Variants in NALCN observed in about 807,000 individuals in gnomAD.
The protein encoded by NALCN is sodium leak channel NALCN.
A neutral mutation model predicts 225.3 loss-of-function variants in NALCN; 111 were observed. That is an observed-to-expected ratio of 0.49 (90% CI 0.42 to 0.58). The LOEUF is 0.58. NALCN is among the 20% of genes least tolerant of loss of function. The pLI, the probability that NALCN is intolerant of heterozygous loss-of-function variation, is 0.00. For synonymous variants in NALCN, 764 were observed against 769.0 expected (o/e 0.99, Z 0.11); for missense variants, 1,378 against 2,202.4 (o/e 0.63, Z 7.49).
intron 12 of NALCN, among the ~76,000 whole-genome samples, chr13:101,237,275 A>G (rs1184795448): frequency 6.6e-6 from 1 of 152,078 alleles, no homozygotes; most frequent in East Asian, 1.9e-4. Context: ...ATGAGTAATT[A>G]CAATCTGTAA....
intron 3 of NALCN, among the ~76,000 whole-genome samples, chr13:101,390,481 T>C (rs1342339702): frequency 2.0e-5 from 3 of 152,112 alleles, no homozygotes; most frequent in Admixed American, 2.0e-4. Flanking sequence ...TAGATCCTGG[T>C]ATAATTAGAA....
chr13:101,269,648 T>C (rs980138615), intron 10 of NALCN, among the ~76,000 whole-genome samples: 2 of 152,216 alleles, frequency 1.3e-5, no homozygotes, highest in Admixed American at 1.3e-4. Context: ...AATACAATCT[T>C]GTTGCTTCAA....
At chr13:101,382,290 T>G in intron 3 of NALCN, among the ~76,000 whole-genome samples, 1 of 115,712 alleles carries the variant, frequency 8.6e-6, no homozygotes. Context: ...CTTCCCTTTG[T>G]GTTATGGGGA....
At chr13:101,386,752 T>C (rs1344300193) in intron 3 of NALCN, among the ~76,000 whole-genome samples, 1 of 152,146 alleles carries the variant, frequency 6.6e-6, no homozygotes, top group Non-Finnish European at 1.5e-5. Context: ...TATCATTGGA[T>C]AACACTACTT....
intron 15 of NALCN, among the ~76,000 whole-genome samples, chr13:101,146,731 A>G (rs551435380): frequency 4.6e-5 from 7 of 152,336 alleles, no homozygotes; most frequent in Admixed American, 2.0e-4. Context: ...GTCACTTATA[A>G]ATCAAATCTT....
At chr13:101,297,754 T>C (rs1039387152) in intron 7 of NALCN, among the ~76,000 whole-genome samples, 1 of 152,268 alleles carries the variant, frequency 6.6e-6, no homozygotes, top group East Asian at 1.9e-4. Flanking sequence ...CAATCTGATC[T>C]ACTGTTTATG....
chr13:101,395,257 T>C lies in NALCN; in HGVS notation c.217A>G (p.Thr73Ala). Reference sequence around the variant, plus strand: ...AGAAACATCAATAATGTATCCAAAGTGAAGGTCACATACTGAAGTGGAGGA... The same window carrying C: ...AGAAACATCAATAATGTATCCAAAGCGAAGGTCACATACTGAAGTGGAGGA... ...HYPPLQYVTF[T>A]LDTLLMFLYT... Residue 73 changes from threonine to alanine, a missense_variant, in exon 3 of 44, where the codon ACT (threonine) becomes GCT (alanine). Coordinates refer to ENST00000251127, the MANE Select transcript of NALCN (RefSeq NM_052867.4). 2.5e-6 allele frequency: 4 copies of C among 1,614,040 alleles called. No individual in the cohort carries two copies. The highest frequency in any genetic ancestry group is 3.4e-6 in the Non-Finnish European group (4 of 1,179,956).
rs755323640 is a variant in NALCN, at chr13:101,104,871, A to G, written c.2636+23T>C. The G allele has an allele frequency of 1.1e-5, 18 of 1,612,282 alleles. No individual in the cohort carries two copies. Among genetic ancestry groups the G allele is most frequent in the Non-Finnish European group, 1.4e-5 (16 of 1,178,736 alleles). On this transcript the variant is annotated intron_variant, in intron 23 of 43. Transcript: ENST00000251127. This position sits in a 1 kb window ranked among gnomAD's most constrained non-coding sequence, Gnocchi z 4.2. Reference sequence around the variant, plus strand: ...ACATGAAAACTTTAAATGTGCATGGAAAATGAAGTTGGTGATGCTTACTAA... The same window carrying G: ...ACATGAAAACTTTAAATGTGCATGGGAAATGAAGTTGGTGATGCTTACTAA...
intron 27 of NALCN, among the ~76,000 whole-genome samples, chr13:101,100,366 G>A (rs78225056): frequency 6.6e-6 from 1 of 152,216 alleles, no homozygotes; most frequent in Non-Finnish European, 1.5e-5. Context: ...GTTGTCAACA[G>A]TGGGTTGACA....
intron 3 of NALCN, among the ~76,000 whole-genome samples, chr13:101,383,140 G>T (rs1308995837): frequency 6.6e-6 from 1 of 152,098 alleles, no homozygotes; most frequent in Non-Finnish European, 1.5e-5. Context: ...GAAAAATTCT[G>T]CCAAGTCTGT....
At chr13:101,123,214 G>T (rs376926477) in intron 18 of NALCN, among the ~76,000 whole-genome samples, 1 of 152,232 alleles carries the variant, frequency 6.6e-6, no homozygotes, top group East Asian at 1.9e-4. Flanking sequence ...CATTCACACT[G>T]CAAGGCAGTG....
chr13:101,229,127 A>G (rs948228186), intron 13 of NALCN, among the ~76,000 whole-genome samples: 17 of 152,162 alleles, frequency 1.1e-4, no homozygotes, highest in Non-Finnish European at 4.4e-5. Flanking sequence ...GGTGCTAAGA[A>G]CCCTAGCATT....
At chr13:101,156,694 T>C (rs965056502) in intron 15 of NALCN, among the ~76,000 whole-genome samples, 12 of 152,214 alleles carry the variant, frequency 7.9e-5, no homozygotes, top group Non-Finnish European at 2.9e-5. Context: ...GGCTCTCATT[T>C]TCTATAGAAA....
rs373215567 is a variant in NALCN at position 101,346,641 on chromosome 13, TA to T, written c.645-1222del. ...AGAATCCTTTAGGTGGATAATGACA[TA>T]ACCCATTTTTATCCTTCTTAAGAAT... On this transcript the variant is annotated intron_variant, in intron 6 of 43. Transcript: ENST00000251127. Among the ~76,000 whole-genome samples, 1,116 of 152,252 alleles carry T rather than the reference TA, an allele frequency of 7.3e-3. 14 individuals carry two copies. Among genetic ancestry groups the T allele is most frequent in the African/African-American group, 0.025 (1,058 of 41,554 alleles).
rs142361469 is a variant in NALCN, at chr13:101,169,842, A to T, written c.1839+6458T>A. ...GATAATTTAATATAAAGTAGCCTAC[A>T]CAAGGTAGTTCTCAATAGATAGCAT... On this transcript the variant is annotated intron_variant, in intron 15 of 43. Transcript: ENST00000251127. 7.9e-3 allele frequency among the ~76,000 whole-genome samples: 1,206 copies of T among 152,364 alleles called. 14 individuals carry two copies. The highest frequency in any genetic ancestry group is 0.051 in the South Asian group (245 of 4,826).
Position 101,100,858 on chromosome 13 carries a change from C to T in NALCN, c.3088G>A (p.Val1030Ile). Residue 1030 changes from valine (V) to isoleucine (I), a missense_variant, in exon 27 of 44, where the codon GTT becomes ATT. Around this residue, in one of 19 missense-constraint regions of NALCN, gnomAD observed 292 missense variants for 409.5 expected, o/e 0.71. Coordinates refer to ENST00000251127, the MANE Select transcript of NALCN (RefSeq NM_052867.4). ...AGCTGAACTCCAAAGCTTGCAAAAACGAGCATTAATGTCAGCAAAAGAATG... is the reference window on the plus strand; with the variant it reads ...AGCTGAACTCCAAAGCTTGCAAAAATGAGCATTAATGTCAGCAAAAGAATG... ...VSILLLTLMLVFASFGVQLFA... is the reference protein window; with the variant it reads ...VSILLLTLMLIFASFGVQLFA... 4 of 1,610,340 alleles carry T rather than the reference C, an allele frequency of 2.5e-6. No homozygotes were observed. The highest frequency in any genetic ancestry group is 2.5e-6 in the Non-Finnish European group (3 of 1,178,370).
chr13:101,180,836 G>C (rs1271245856), intron 14 of NALCN: 11 of 330,228 alleles, frequency 3.3e-5, no homozygotes, highest in South Asian at 2.6e-4. Flanking sequence ...ACGGAAACAC[G>C]CTTTGTCTCT....
intron 6 of NALCN, among the ~76,000 whole-genome samples, chr13:101,358,719 C>T (rs1462655116): frequency 2.0e-5 from 3 of 152,200 alleles, no homozygotes; most frequent in African/African-American, 4.8e-5. Context: ...GAATAGACAT[C>T]ATTCTACTAT....
chr13:101,119,305 TA>T (rs2035860521), intron 18 of NALCN, among the ~76,000 whole-genome samples: 1 of 152,226 alleles, frequency 6.6e-6, no homozygotes, highest in Admixed American at 6.5e-5. Flanking sequence ...TAAATCCGTT[TA>T]ATTTTTTTCT....
Sources: gnomAD v4.1 joint callset for allele counts (sites outside exome capture counted in the v4.1 genomes callset) on GRCh38, gnomAD v4.1.1 for gene constraint, gnomAD v4.1.1 regional missense constraint, Gnocchi (gnomAD v3.1) non-coding constraint, MANE v1.5 for transcripts, NCBI Gene and HGNC (gene_info 2026-07-23, HGNC 2026-07-21) for gene names.